Variants in RASGEF1C observed in about 807,000 individuals in gnomAD.
RASGEF1C encodes ras-GEF domain-containing family member 1C.
Under a neutral mutation model 58.1 loss-of-function variants are expected in RASGEF1C, and 27 were observed. The observed-to-expected ratio is 0.46, with a 90% CI of 0.34 to 0.64. RASGEF1C has a LOEUF of 0.64. RASGEF1C is among the 30% of genes least tolerant of loss of function. The pLI is 0.01. For missense variants in RASGEF1C, 502 were observed against 605.1 expected (o/e 0.83, Z 1.79); for synonymous variants, 243 against 246.3 (o/e 0.99, Z 0.13).
At chr5:180,207,859 A>G (rs2127565382) in intron 1 of RASGEF1C, among the ~76,000 whole-genome samples, 2 of 151,994 alleles carry the variant, frequency 1.3e-5, no homozygotes, top group Non-Finnish European at 2.9e-5. Context: ...CCCTGACCAG[A>G]CGAAGGCTCC....
chr5:180,131,553 C>G (rs1469266584), intron 4 of RASGEF1C, among the ~76,000 whole-genome samples: 1 of 152,178 alleles, frequency 6.6e-6, no homozygotes, highest in Non-Finnish European at 1.5e-5. Flanking sequence ...TCACGTGCAT[C>G]TCCTCTCCCT....
At chr5:180,182,186 C>T in intron 1 of RASGEF1C, among the ~76,000 whole-genome samples, 1 of 96,968 alleles carries the variant, frequency 1.0e-5, no homozygotes, top group Non-Finnish European at 1.8e-5. Flanking sequence ...GCCTGGGCAA[C>T]AGAGCAAGAC....
In RASGEF1C at chr5:180,194,468, A is replaced by C. The variant is rs899540473; in HGVS notation, c.-7+14560T>G. Among the ~76,000 whole-genome samples, 32 of 152,324 alleles carry C rather than the reference A, an allele frequency of 2.1e-4. 1 individual carries two copies. The East Asian group carries it at 4.8e-3, about 23-fold the overall frequency. On this transcript the variant is annotated intron_variant, in intron 1 of 13. Transcript: ENST00000361132. ...GCACCCATGCGGAAGCATCTGCGCA[A>C]ACTGCAGAGGCCACGGGGTCTACGC... is the stretch of plus-strand genomic sequence containing the variant.
At chr5:180,116,215 A>G (rs1766064883) in intron 10 of RASGEF1C, among the ~76,000 whole-genome samples, 1 of 152,078 alleles carries the variant, frequency 6.6e-6, no homozygotes, top group African/African-American at 2.4e-5. Context: ...GTATCTGCAA[A>G]TCCACTGCCC....
intron 1 of RASGEF1C, among the ~76,000 whole-genome samples, chr5:180,194,001 G>GAT (rs1756216665): frequency 1.2e-4 from 2 of 16,670 alleles, no homozygotes; most frequent in African/African-American, 2.8e-4. Flanking sequence ...TATTCTGTAT[G>GAT]GTGTTTGTTT....
chr5:180,190,215 C>T (rs560559314), intron 1 of RASGEF1C, among the ~76,000 whole-genome samples: 88 of 151,520 alleles, frequency 5.8e-4, no homozygotes, highest in Admixed American at 1.2e-3. Flanking sequence ...AGGCCGGGCA[C>T]GGTGGCTCAC....
At chr5:180,150,902 A>G (rs1561744013) in intron 1 of RASGEF1C, among the ~76,000 whole-genome samples, 1 of 151,782 alleles carries the variant, frequency 6.6e-6, no homozygotes, top group Non-Finnish European at 1.5e-5. Context: ...AAAAATCACA[A>G]GCATTCTTAT....
chr5:180,209,119 G>T lies in RASGEF1C; in HGVS notation c.-98C>A, dbSNP rs538873512. The stretch of plus-strand genomic sequence containing the variant: ...GCGGACCGGGGCGCCGCCCGCCGCC[G>T]CCGCCGCCGCCGCCGCCGCCGCCGC... On this transcript the variant is annotated 5_prime_UTR_variant, in exon 1 of 14. Transcript: ENST00000361132. 2.5e-4 allele frequency: 1 copy of T among 4,060 alleles called. No homozygotes were observed. Among genetic ancestry groups the T allele is most frequent in the South Asian group, 4.3e-3 (1 of 232 alleles). 0.3% of individuals were successfully genotyped at this position (4,060 alleles called of 1,614,324 possible).
Position 180,209,099 on chromosome 5 carries a change from C to T in RASGEF1C, c.-78G>A, listed in dbSNP as rs1387154034. 4.9e-5 allele frequency: 7 copies of T among 142,942 alleles called. No individual in the cohort carries two copies. Among genetic ancestry groups the T allele is most frequent in the African/African-American group, 1.5e-4 (6 of 39,398 alleles). 8.9% of individuals were successfully genotyped at this position (142,942 alleles called of 1,614,324 possible). On this transcript the variant is annotated 5_prime_UTR_variant, in exon 1 of 14. Coordinates refer to ENST00000361132, the MANE Select transcript of RASGEF1C (RefSeq NM_175062.4). ...CCGGTGCGAGCCTCGGCGCCGCGGACCGGGGCGCCGCCCGCCGCCGCCGCC... is the reference window on the plus strand; with the variant it reads ...CCGGTGCGAGCCTCGGCGCCGCGGATCGGGGCGCCGCCCGCCGCCGCCGCC...
rs1190968559 is a variant in RASGEF1C at position 180,179,143 on chromosome 5, A to C, written c.-7+29885T>G. Among the ~76,000 whole-genome samples the C allele has an allele frequency of 2.6e-5, 4 of 152,176 alleles. No individual in the cohort carries two copies. The East Asian group carries it at 7.7e-4, about 29-fold the overall frequency. ...AGCTGGAATCAGGGGCATGCAGCCC[A>C]GTGCCTGCATTCTGCGCAGATTGGG... On this transcript the variant is annotated intron_variant, in intron 1 of 13. Coordinates refer to ENST00000361132, the MANE Select transcript of RASGEF1C (RefSeq NM_175062.4).
intron 6 of RASGEF1C, among the ~76,000 whole-genome samples, chr5:180,126,201 A>T (rs929924647): frequency 6.6e-5 from 10 of 152,192 alleles, no homozygotes; most frequent in Non-Finnish European, 1.3e-4. Flanking sequence ...AGGTCAGGAG[A>T]TCGAGACCAT....
At chr5:180,162,835 G>A (rs950821840) in intron 1 of RASGEF1C, among the ~76,000 whole-genome samples, 2 of 152,058 alleles carry the variant, frequency 1.3e-5, no homozygotes, top group South Asian at 2.1e-4. Context: ...CCTTTACTAC[G>A]TTGAGTCTTC....
In RASGEF1C at chr5:180,198,279, A is replaced by G. The variant is rs1477503364; in HGVS notation, c.-7+10749T>C. Among the ~76,000 whole-genome samples the G allele has an allele frequency of 6.6e-6, 1 of 152,206 alleles. No individual in the cohort carries two copies. On this transcript the variant is annotated intron_variant, in intron 1 of 13. Coordinates refer to ENST00000361132, the MANE Select transcript of RASGEF1C (RefSeq NM_175062.4). This position sits in a 1 kb window ranked among gnomAD's most constrained non-coding sequence, Gnocchi z 4.5. Reference sequence around the variant, plus strand: ...TATGATTTCTGAAAGTCAAAGACACATGTCGGGTGCCCAAGAAGGGAAGAA... The same window carrying G: ...TATGATTTCTGAAAGTCAAAGACACGTGTCGGGTGCCCAAGAAGGGAAGAA...
intron 1 of RASGEF1C, among the ~76,000 whole-genome samples, chr5:180,149,176 C>T (rs1423842516): frequency 6.7e-6 from 1 of 148,776 alleles, no homozygotes; most frequent in East Asian, 2.0e-4. Context: ...CAAACTCTGC[C>T]TCCTGGGTTC....
chr5:180,115,135 C>T (rs1766041226), intron 10 of RASGEF1C: 1 of 296,548 alleles, frequency 3.4e-6, no homozygotes, highest in Non-Finnish European at 6.8e-6. Flanking sequence ...CTGCTTCAGC[C>T]TCCCGAGTAG....
At chr5:180,163,794 C>T (rs180715466) in intron 1 of RASGEF1C, among the ~76,000 whole-genome samples, 2 of 152,218 alleles carry the variant, frequency 1.3e-5, no homozygotes, top group East Asian at 1.9e-4. Flanking sequence ...TTTCTGAAAG[C>T]GACAGTATAG....
intron 1 of RASGEF1C, among the ~76,000 whole-genome samples, chr5:180,170,701 C>A (rs1220953948): frequency 6.6e-6 from 1 of 152,226 alleles, no homozygotes; most frequent in Non-Finnish European, 1.5e-5. Context: ...CTCCCTTTAC[C>A]CCAGTCCTGC....
chr5:180,149,337 CA>C (rs1766710538), intron 1 of RASGEF1C, among the ~76,000 whole-genome samples: 1 of 151,270 alleles, frequency 6.6e-6, no homozygotes, highest in Admixed American at 6.6e-5. Flanking sequence ...CTGCCCACCT[CA>C]GCCTCCCAAA....
chr5:180,174,321 A>G (rs1285821834), intron 1 of RASGEF1C, among the ~76,000 whole-genome samples: 1 of 152,164 alleles, frequency 6.6e-6, no homozygotes, highest in Non-Finnish European at 1.5e-5. Flanking sequence ...TAAAACAAAG[A>G]AACATACTGT....
Sources: allele counts gnomAD v4.1 joint callset (sites outside exome capture counted in the v4.1 genomes callset), GRCh38; gene constraint gnomAD v4.1.1; non-coding constraint Gnocchi (gnomAD v3.1); transcripts MANE v1.5; gene names NCBI Gene and HGNC (gene_info 2026-07-23, HGNC 2026-07-21).